The following LRP1B variants were observed in gnomAD, a reference collection of about 807,000 sequenced individuals.
LRP1B encodes the protein LDL receptor related protein 1B.
LRP1B carries 217 observed loss-of-function variants against 556.6 expected under a neutral mutation model. The ratio of observed to expected loss-of-function variants is 0.39; its 90% CI spans 0.35 to 0.44. LRP1B has a LOEUF of 0.44. LRP1B is among the 20% of genes least tolerant of loss of function. The pLI is 1.00. For missense variants in LRP1B, 5,053 were observed against 5,620.8 expected (o/e 0.90, Z 3.23); for synonymous variants, 2,047 against 1,865.8 (o/e 1.10, Z -2.50).
chr2:140,918,510 A>G (rs915432957), intron 21 of LRP1B, among the ~76,000 whole-genome samples: 1 of 152,104 alleles, frequency 6.6e-6, no homozygotes, highest in Non-Finnish European at 1.5e-5. Flanking sequence ...CTTTCCATAG[A>G]GGTTCACCAA....
chr2:141,460,253 T>A (rs1490323254), intron 3 of LRP1B, among the ~76,000 whole-genome samples: 1 of 152,182 alleles, frequency 6.6e-6, no homozygotes, highest in African/African-American at 2.4e-5. Context: ...GCTCTTCAGC[T>A]CTTTCTTATT....
chr2:141,742,899 T>G (rs528748941), intron 2 of LRP1B, among the ~76,000 whole-genome samples: 75 of 152,298 alleles, frequency 4.9e-4, no homozygotes, highest in African/African-American at 1.7e-3. Context: ...TTGATTTCTT[T>G]TTCAAATTAT....
intron 32 of LRP1B, among the ~76,000 whole-genome samples, chr2:140,782,928 C>T (rs1028542856): frequency 6.6e-6 from 1 of 152,142 alleles, no homozygotes. Flanking sequence ...CTGAAGGTCA[C>T]ACAGCAGGAG....
At chr2:141,435,215 G>T (rs1376443341) in intron 3 of LRP1B, among the ~76,000 whole-genome samples, 1 of 152,114 alleles carries the variant, frequency 6.6e-6, no homozygotes, top group African/African-American at 2.4e-5. Context: ...TTTGGTCAGA[G>T]GTTGTATTTA....
At chr2:140,891,307 C>T (rs530818397) in intron 23 of LRP1B, among the ~76,000 whole-genome samples, 2 of 152,164 alleles carry the variant, frequency 1.3e-5, no homozygotes, top group East Asian at 1.9e-4. Context: ...TTTTATCAGA[C>T]AGACTATGAA....
chr2:141,567,861 G>T (rs2105258343), intron 2 of LRP1B, among the ~76,000 whole-genome samples: 1 of 148,268 alleles, frequency 6.7e-6, no homozygotes, highest in South Asian at 2.1e-4. Context: ...ATTTATATTG[G>T]AAACAGTAAA....
rs555430248 is a variant in LRP1B, at chr2:141,940,300, T to A, written c.83-129899A>T. Among the ~76,000 whole-genome samples, 23 of 152,242 alleles carry A rather than the reference T, an allele frequency of 1.5e-4. No individual in the cohort carries two copies. The East Asian group carries it at 4.2e-3, about 28-fold the overall frequency. ...GTACAAAGGTATATATGATTAAGAG[T>A]TAATATTTTATTAAAAAAGAAATAT... is the stretch of plus-strand genomic sequence containing the variant. On this transcript the variant is annotated intron_variant, in intron 1 of 90. Transcript: ENST00000389484.
intron 66 of LRP1B, among the ~76,000 whole-genome samples, chr2:140,418,161 G>A (rs1685279129): frequency 6.6e-6 from 1 of 152,188 alleles, no homozygotes; most frequent in South Asian, 2.1e-4. Flanking sequence ...TAAAGTGGCT[G>A]CATTCAAAGC....
At chr2:141,592,791 T>G (rs986151741) in intron 2 of LRP1B, among the ~76,000 whole-genome samples, 1 of 152,148 alleles carries the variant, frequency 6.6e-6, no homozygotes. Flanking sequence ...ACTCACATAA[T>G]TAGCAACTGT....
At chr2:140,785,038 G>GA (rs939819333) in intron 32 of LRP1B, among the ~76,000 whole-genome samples, 1 of 151,474 alleles carries the variant, frequency 6.6e-6, no homozygotes, top group Non-Finnish European at 1.5e-5. Context: ...AATAAAGAGA[G>GA]AAAAAAAAGA....
chr2:140,521,399 G>T (rs937148060), intron 49 of LRP1B, among the ~76,000 whole-genome samples: 2 of 152,026 alleles, frequency 1.3e-5, no homozygotes, highest in African/African-American at 4.8e-5. Flanking sequence ...CCTATTTTTA[G>T]CATTCTTAAG....
intron 7 of LRP1B, among the ~76,000 whole-genome samples, chr2:141,096,306 G>A (rs568266192): frequency 5.4e-4 from 82 of 151,894 alleles, no homozygotes; most frequent in African/African-American, 1.4e-3. Context: ...GTAAATCCTC[G>A]GCCAGGCGCA....
chr2:140,520,798 G>GAAAAAAAAAA (rs757383865), intron 49 of LRP1B, among the ~76,000 whole-genome samples: 90 of 86,412 alleles, frequency 1.0e-3, no homozygotes, highest in East Asian at 1.6e-3. Flanking sequence ...TAAGAAAACA[G>GAAAAAAAAAA]AAAAAAAAAA....
At chr2:141,737,101 C>A (rs547051851) in intron 2 of LRP1B, among the ~76,000 whole-genome samples, 1 of 152,264 alleles carries the variant, frequency 6.6e-6, no homozygotes, top group South Asian at 2.1e-4. Context: ...CACCTGTAAT[C>A]CCAACACTTT....
At chr2:141,589,319 C>T (rs1311100833) in intron 2 of LRP1B, among the ~76,000 whole-genome samples, 1 of 152,238 alleles carries the variant, frequency 6.6e-6, no homozygotes, top group East Asian at 1.9e-4. Flanking sequence ...CCATAGCGAC[C>T]TCTGACCATC....
intron 1 of LRP1B, among the ~76,000 whole-genome samples, chr2:142,114,426 TAAAAG>T (rs1010759034): frequency 6.6e-6 from 1 of 152,046 alleles, no homozygotes; most frequent in African/African-American, 2.4e-5. Flanking sequence ...AGTATATATC[TAAAAG>T]AAAAGAAATC....
chr2:141,401,301 G>T (rs1690444653), intron 3 of LRP1B, among the ~76,000 whole-genome samples: 1 of 152,124 alleles, frequency 6.6e-6, no homozygotes, highest in Admixed American at 6.6e-5. Flanking sequence ...AGAATGGAAT[G>T]CTAGTCACCA....
At chr2:141,621,954 T>A (rs898619807) in intron 2 of LRP1B, among the ~76,000 whole-genome samples, 3 of 152,148 alleles carry the variant, frequency 2.0e-5, no homozygotes, top group Non-Finnish European at 4.4e-5. Flanking sequence ...TGCAATGGAA[T>A]CATCTCGGCT....
At chr2:140,547,794 GA>G (rs1680398612) in intron 43 of LRP1B, among the ~76,000 whole-genome samples, 1 of 151,842 alleles carries the variant, frequency 6.6e-6, no homozygotes, top group Admixed American at 6.6e-5. Context: ...TAGAACTATA[GA>G]CTTTTGTGAT....
Sources: gnomAD v4.1 joint callset for allele counts (sites outside exome capture counted in the v4.1 genomes callset) on GRCh38, gnomAD v4.1.1 for gene constraint, MANE v1.5 for transcripts, NCBI Gene and HGNC (gene_info 2026-07-23, HGNC 2026-07-21) for gene names.